EMX1: variants seen among roughly 807,000 people sequenced by gnomAD.
EMX1 encodes the protein empty spiracles homeobox 1.
Under a neutral mutation model 20.1 loss-of-function variants are expected in EMX1, and 10 were observed. That is an observed-to-expected ratio of 0.50 (90% CI 0.31 to 0.84). The LOEUF (loss-of-function observed/expected upper bound fraction) is 0.84, where lower values mean the gene tolerates loss of function less well. Ranked by LOEUF, EMX1 falls within the 40% of genes least tolerant of loss-of-function variation. The probability of loss-of-function intolerance (pLI) is 0.05; values close to 1 mark genes in which losing one functional copy is unlikely to be tolerated. For missense variants in EMX1, 424 were observed against 431.9 expected, an observed-to-expected ratio of 0.98 and a Z score of 0.16; for synonymous variants, 250 against 200.4, an observed-to-expected ratio of 1.25 and a Z score of -2.09.
At position 72,934,590 on chromosome 2, in the gene EMX1, G is replaced by C. The variant is rs1175289699; in HGVS notation, c.*636G>C. ...AAGGGCCATCCTGTATCTTGAGGGA[G>C]GACAGGCCCAGGTCTTTCTTAACGT... On this transcript the variant is annotated 3_prime_UTR_variant, in exon 3 of 3. Transcript: ENST00000258106. The C allele has an allele frequency of 6.6e-6, 1 of 152,454 alleles. No individual in the cohort carries two copies. The highest frequency in any genetic ancestry group is 2.4e-5 in the African/African-American group (1 of 41,424). 9.4% of individuals were successfully genotyped at this position (152,454 alleles called of 1,614,324 possible).
chr2:72,926,222 T>G, intron 2 of EMX1: 1 of 985,456 alleles, frequency 1.0e-6, no homozygotes, highest in Non-Finnish European at 1.2e-6. Context: ...AGTGAGAGCA[T>G]TTTTAATTAA....
intron 2 of EMX1, chr2:72,926,093 T>C (rs548340411): frequency 2.0e-6 from 2 of 983,032 alleles, no homozygotes; most frequent in East Asian, 1.1e-4. Context: ...AACAGTAATA[T>C]TTATTAAATT....
intron 1 of EMX1, 99 bp downstream of exon 1, chr2:72,918,471 C>T (rs1391776905): frequency 7.6e-7 from 1 of 1,316,482 alleles, no homozygotes; most frequent in Non-Finnish European, 9.7e-7. Context: ...TTAGAAGTTA[C>T]TGCCGGGAAG....
At chr2:72,924,097 G>A (rs1671149475) in intron 1 of EMX1, 4 of 629,472 alleles carry the variant, frequency 6.4e-6, no homozygotes, top group Non-Finnish European at 1.1e-5. Flanking sequence ...AGTGGCTCTC[G>A]AGTGCGGGGA....
intron 2 of EMX1, among the ~76,000 whole-genome samples, chr2:72,929,153 G>A (rs901591873): frequency 6.6e-6 from 1 of 152,170 alleles, no homozygotes; most frequent in Non-Finnish European, 1.5e-5. Context: ...CCTAGCTCAC[G>A]GTGTGTCCAC....
At position 72,917,684 on chromosome 2, in the gene EMX1, G is replaced by T. The variant is rs993911061; in HGVS notation, c.-169G>T. 5.3e-5 allele frequency: 24 copies of T among 455,904 alleles called. No individual in the cohort carries two copies. Among genetic ancestry groups the T allele is most frequent in the Non-Finnish European group, 7.4e-5 (23 of 311,758 alleles). The allele number at this position is 455,904 out of a possible 1,614,324, so 28.2% of individuals were successfully genotyped here. A position where few individuals can be genotyped will look rare whatever the true frequency, so the allele number is the denominator to read the frequency against. On this transcript the variant is annotated 5_prime_UTR_variant, in exon 1 of 3. Coordinates refer to ENST00000258106, the MANE Select transcript of EMX1 (RefSeq NM_004097.3). Reference sequence around the variant, plus strand: ...GCACGGAGCCCGCGCCTGTGCGGGCGCCTGGAGCTGCCCGCTCCGCCGCAG... The same window carrying T: ...GCACGGAGCCCGCGCCTGTGCGGGCTCCTGGAGCTGCCCGCTCCGCCGCAG...
intron 2 of EMX1, among the ~76,000 whole-genome samples, chr2:72,927,336 C>T (rs986037570): frequency 1.3e-5 from 2 of 152,206 alleles, no homozygotes; most frequent in Non-Finnish European, 2.9e-5. Flanking sequence ...TTTGTCTTCT[C>T]TCTGGGTCTG....
In EMX1 at chr2:72,926,109, T is replaced by G. The variant is rs189145751; in HGVS notation, c.705+1616T>G. On this transcript the variant is annotated intron_variant, in intron 2 of 2. Coordinates refer to ENST00000258106, the MANE Select transcript of EMX1 (RefSeq NM_004097.3). Reference sequence around the variant, plus strand: ...ACAGTAATATTTATTAAATTTTAATTGCAGAACTGTAAGAAAACAAAAATG... The same window carrying G: ...ACAGTAATATTTATTAAATTTTAATGGCAGAACTGTAAGAAAACAAAAATG... The G allele has an allele frequency of 2.5e-4, 251 of 984,430 alleles. 1 individual carries two copies. In the African/African-American group the frequency reaches 3.9e-3, roughly 15 times the overall value. 61.0% of individuals were successfully genotyped at this position (984,430 alleles called of 1,614,324 possible).
At chr2:72,919,748 T>C (rs936800767) in intron 1 of EMX1, among the ~76,000 whole-genome samples, 8 of 143,674 alleles carry the variant, frequency 5.6e-5, no homozygotes, top group Non-Finnish European at 1.0e-4. Flanking sequence ...GCCTCCTCTT[T>C]GAAGATTTCA....
chr2:72,917,576 G>C lies in EMX1; in HGVS notation c.-277G>C, dbSNP rs1291742356. ...CTGGGCAGGGCAGTGCGGGGACACC[G>C]GGGGCTGGGGTCGGTCCCAGCGGGA... On this transcript the variant is annotated 5_prime_UTR_variant, in exon 1 of 3. Transcript: ENST00000258106. 4.9e-6 allele frequency: 1 copy of C among 202,732 alleles called. No individual in the cohort carries two copies. Among genetic ancestry groups the C allele is most frequent in the Non-Finnish European group, 9.8e-6 (1 of 102,362 alleles). The allele number at this position is 202,732 out of a possible 1,614,324, so 12.6% of individuals were successfully genotyped here. A position where few individuals can be genotyped will look rare whatever the true frequency, so the allele number is the denominator to read the frequency against.
upstream of EMX1, chr2:72,916,746 GT>G: frequency 1.4e-6 from 1 of 717,394 alleles, no homozygotes; most frequent in Non-Finnish European, 2.6e-6. Flanking sequence ...CCCTGACCTG[GT>G]CCGGCCCGCC....
chr2:72,917,394 T>G (rs1321546645), upstream of EMX1: 1 of 248,460 alleles, frequency 4.0e-6, no homozygotes, highest in Non-Finnish European at 7.7e-6. Context: ...AAGGCTCCAG[T>G]CCGGCTTTTG....
At chr2:72,931,897 G>T (rs1016782691) in intron 2 of EMX1, among the ~76,000 whole-genome samples, 1 of 152,242 alleles carries the variant, frequency 6.6e-6, no homozygotes, top group Admixed American at 6.5e-5. Flanking sequence ...TGGAAGTTCT[G>T]GCAAGAGGGG....
chr2:72,926,049 G>C (rs776076064), intron 2 of EMX1: 14 of 984,990 alleles, frequency 1.4e-5, no homozygotes, highest in Non-Finnish European at 1.7e-5. Context: ...CAAGGTGTCA[G>C]TTTAAGAATG....
intron 2 of EMX1, among the ~76,000 whole-genome samples, chr2:72,931,460 C>G (rs540839823): frequency 2.1e-4 from 32 of 152,218 alleles, no homozygotes; most frequent in Non-Finnish European, 4.0e-4. Context: ...CACCCCGGCC[C>G]TGCATCTGGC....
intron 1 of EMX1, among the ~76,000 whole-genome samples, chr2:72,923,010 C>T (rs1671129283): frequency 6.6e-6 from 1 of 152,126 alleles, no homozygotes; most frequent in Non-Finnish European, 1.5e-5. Flanking sequence ...CATGAGAATC[C>T]ATGGGTGATT....
At chr2:72,925,885 G>A (rs1046478335) in intron 2 of EMX1, 5 of 985,312 alleles carry the variant, frequency 5.1e-6, no homozygotes, top group South Asian at 4.7e-5. Flanking sequence ...GTTTTCAGAT[G>A]TACTAGCTGG....
chr2:72,934,062 G>A lies in EMX1; in HGVS notation c.*108G>A. The A allele has an allele frequency of 2.1e-6, 3 of 1,456,390 alleles. No homozygotes were observed. Among genetic ancestry groups the A allele is most frequent in the Non-Finnish European group, 2.8e-6 (3 of 1,084,982 alleles). 90.2% of individuals were successfully genotyped at this position (1,456,390 alleles called of 1,614,324 possible). ...CACTCCCTGGCCAGGCTTTGGGGAG[G>A]CCTGGAGTCATGGCCCCACAGGGCT... On this transcript the variant is annotated 3_prime_UTR_variant, in exon 3 of 3. Coordinates refer to ENST00000258106, the MANE Select transcript of EMX1 (RefSeq NM_004097.3).
At chr2:72,917,365 A>C (rs1251086294), upstream of EMX1, 9 of 324,882 alleles carry the variant, frequency 2.8e-5, no homozygotes, top group Middle Eastern at 8.2e-4. Context: ...GGGGAGGAGG[A>C]GGCCTGGATC....
Sources: allele counts gnomAD v4.1 joint callset (sites outside exome capture counted in the v4.1 genomes callset), GRCh38; gene constraint gnomAD v4.1.1; transcripts MANE v1.5; gene names NCBI Gene and HGNC (gene_info 2026-07-23, HGNC 2026-07-21).